Variants in COL4A4 observed in about 807,000 individuals in gnomAD.
COL4A4 encodes collagen alpha-4(IV) chain.
A neutral mutation model predicts 192.9 loss-of-function variants in COL4A4; 105 were observed. The ratio of observed to expected loss-of-function variants is 0.54; its 90% confidence interval spans 0.46 to 0.64. COL4A4 has a LOEUF of 0.64. COL4A4 is among the 30% of genes least tolerant of loss of function. COL4A4 has a pLI of 0.00. For synonymous variants in COL4A4, 762 were observed against 769.9 expected, an observed-to-expected ratio of 0.99 and a Z score of 0.17; for missense variants, 1,967 against 2,169.3, an observed-to-expected ratio of 0.91 and a Z score of 1.85.
rs121912860 is a variant in COL4A4, at chr2:227,055,971, C to T, written c.2690G>A (p.Gly897Glu). Residue 897 changes from glycine (G) to glutamate (E), a missense_variant, in exon 30 of 48, where the codon GGG (glycine) becomes GAG (glutamate). Physicochemically the swap from Gly to Glu is moderately conservative, Grantham distance 98 (BLOSUM62 -2). Coordinates refer to ENST00000396625, the MANE Select transcript of COL4A4 (RefSeq NM_000092.5). The part of the protein sequence containing the change: ...PGIPGPFGDD[G>E]LPGPPGPKGP... ...CTTTGGACCTGGAGGACCAGGTAGCCCATCATCTCCAAAGGGACCTGGGAT... is the reference window on the plus strand; with the variant it reads ...CTTTGGACCTGGAGGACCAGGTAGCTCATCATCTCCAAAGGGACCTGGGAT... The T allele has an allele frequency of 2.5e-6, 4 of 1,613,844 alleles. No homozygotes were observed. Among genetic ancestry groups the T allele is most frequent in the Non-Finnish European group, 3.4e-6 (4 of 1,179,976 alleles).
intron 37 of COL4A4, among the ~76,000 whole-genome samples, chr2:227,034,457 C>T (rs116016505): frequency 0.015 from 2,295 of 152,022 alleles, 63 homozygotes; most frequent in African/African-American, 0.052. Context: ...CTGATGGCTA[C>T]GAGCACTGAA....
At position 227,056,379 on chromosome 2, in the gene COL4A4, A is replaced by T. The variant is rs10206912; in HGVS notation, c.2546-264T>A. The stretch of plus-strand genomic sequence containing the variant: ...AATATTTTTAACAGAAAACAAAAAG[A>T]AAAAACAAACATGTATTTGTATTTC... On this transcript the variant is annotated intron_variant, in intron 29 of 47. Coordinates refer to ENST00000396625, the MANE Select transcript of COL4A4 (RefSeq NM_000092.5). 0.49 allele frequency among the ~76,000 whole-genome samples: 74,435 copies of T among 151,320 alleles called. 18,312 individuals are homozygous for T. The highest frequency in any genetic ancestry group is 0.61 in the South Asian group (2,962 of 4,818).
the COL4A4 span, among the ~76,000 whole-genome samples, chr2:226,974,235 A>G: frequency 2.6e-5 from 4 of 150,990 alleles, no homozygotes; most frequent in Non-Finnish European, 5.9e-5. Flanking sequence ...TTTTTATTTT[A>G]TTTTATTTTA....
At chr2:227,140,561 A>G (rs1273055443) in intron 3 of COL4A4, among the ~76,000 whole-genome samples, 2 of 152,186 alleles carry the variant, frequency 1.3e-5, no homozygotes, top group African/African-American at 4.8e-5. Context: ...CTTAGAGTGT[A>G]AACTATGTGG....
intron 44 of COL4A4, among the ~76,000 whole-genome samples, chr2:227,014,892 C>CTTTTTTTTT (rs1179125792): frequency 1.9e-5 from 2 of 106,586 alleles, no homozygotes; most frequent in African/African-American, 3.8e-5. Context: ...CCATGCCTGG[C>CTTTTTTTTT]TTTTTTTTTT....
chr2:226,980,070 G>A, the COL4A4 span, among the ~76,000 whole-genome samples: 1 of 152,146 alleles, frequency 6.6e-6, no homozygotes, highest in Non-Finnish European at 1.5e-5. Context: ...TTCTGAGAAG[G>A]GCAGCCTGGA....
rs749963035 is a variant in COL4A4, at chr2:227,010,423, TG to T, written c.4411del (p.His1471ThrfsTer81). 6.2e-7 allele frequency: 1 copy of T among 1,613,986 alleles called. No homozygotes were observed. Among genetic ancestry groups the T allele is most frequent in the South Asian group, 1.1e-5 (1 of 91,032 alleles). ...GYLGGFLLVL[H>X]SQTDQEPTCP... ...GGTGGGCTCCTGGTCCGTCTGACTGTGGAGAACCAGGAGGAAGCCACCGAGG... is the reference window on the plus strand; with the variant it reads ...GGTGGGCTCCTGGTCCGTCTGACTGTGAGAACCAGGAGGAAGCCACCGAGG... On this transcript the variant is annotated frameshift_variant, in exon 46 of 48. Coordinates refer to ENST00000396625, the MANE Select transcript of COL4A4 (RefSeq NM_000092.5). LOFTEE classifies it high-confidence loss of function.
intron 28 of COL4A4, among the ~76,000 whole-genome samples, chr2:227,058,110 T>C (rs980034254): frequency 2.6e-5 from 4 of 152,248 alleles, no homozygotes; most frequent in African/African-American, 9.6e-5. Flanking sequence ...TTGGTTCATA[T>C]GTTTACATTT....
chr2:226,978,105 A>AACAGGTC, the COL4A4 span, among the ~76,000 whole-genome samples: 1 of 152,208 alleles, frequency 6.6e-6, no homozygotes, highest in Non-Finnish European at 1.5e-5. Flanking sequence ...ATTATCTGAA[A>AACAGGTC]ACAGGTCTAG....
Position 227,089,948 on chromosome 2 carries a change from C to G in COL4A4, c.1379G>C (p.Cys460Ser). Residue 460 changes from cysteine (C) to serine (S), a missense_variant, in exon 21 of 48, where the codon TGT becomes TCT. Transcript: ENST00000396625. ...QGLPGSSVIYCSVGNPGPQGI... is the reference protein window; with the variant it reads ...QGLPGSSVIYSSVGNPGPQGI... ...TTGTGGTCCGGGGTTCCCAACACTA[C>G]AGTATATCACTGTCAAGGAGGTAAG... 6.2e-7 allele frequency: 1 copy of G among 1,613,218 alleles called. No homozygotes were observed. Among genetic ancestry groups the G allele is most frequent in the South Asian group, 1.1e-5 (1 of 91,056 alleles).
At chr2:227,114,191 T>C (rs190088563) in intron 8 of COL4A4, among the ~76,000 whole-genome samples, 74 of 152,346 alleles carry the variant, frequency 4.9e-4, no homozygotes, top group Admixed American at 1.5e-3. Flanking sequence ...ACTGGGGTGA[T>C]TTCCCCCCAG....
chr2:227,132,660 C>T (rs1423585189), intron 4 of COL4A4, among the ~76,000 whole-genome samples: 12 of 152,088 alleles, frequency 7.9e-5, no homozygotes, highest in Admixed American at 7.9e-4. Flanking sequence ...CCTGTAATCC[C>T]AGCTACTTGG....
In COL4A4 at chr2:227,031,993, G is replaced by A. The variant is rs374113580; in HGVS notation, c.3769C>T (p.Pro1257Ser). ...TGRAPKDIPD[P>S]GPPGDQGPPG... ...GGTCCCTGATCTCCAGGTGGACCCG[G>A]GTCAGGAATGTCCTTAGGAGCTCTT... is the stretch of plus-strand genomic sequence containing the variant. The change falls in exon 40 of 48, where the codon CCG becomes TCG. Residue 1257 changes from proline to serine, a missense_variant. Transcript: ENST00000396625. The A allele has an allele frequency of 2.9e-5, 46 of 1,613,804 alleles. No homozygotes were observed. The highest frequency in any genetic ancestry group is 3.7e-5 in the Non-Finnish European group (44 of 1,179,886).
chr2:227,138,020 A>G (rs1002181654), intron 4 of COL4A4, among the ~76,000 whole-genome samples: 4 of 152,100 alleles, frequency 2.6e-5, no homozygotes, highest in African/African-American at 9.7e-5. Flanking sequence ...GACCGGCTTC[A>G]CACAGTGGCT....
At position 227,109,279 on chromosome 2, in the gene COL4A4, C is replaced by A; in HGVS notation, c.602G>T (p.Trp201Leu). Residue 201 changes from tryptophan to leucine, a missense_variant, in exon 10 of 48, where the codon TGG becomes TTG. By Grantham distance (61) the Trp-to-Leu change is moderately conservative. Transcript: ENST00000396625. Reference sequence around the variant, plus strand: ...GGGACCTGCCGGTCCTCCTGCACCCCAAGATCCCTAAACATGAGAAAAATC... The same window carrying A: ...GGGACCTGCCGGTCCTCCTGCACCCAAAGATCCCTAAACATGAGAAAAATC... ...DPGLPGLPGS[W>L]GAGGPAGPTG... 1 of 1,613,986 alleles carries A rather than the reference C, an allele frequency of 6.2e-7. No homozygotes were observed. Among genetic ancestry groups the A allele is most frequent in the Non-Finnish European group, 8.5e-7 (1 of 1,179,830 alleles).
intron 34 of COL4A4, among the ~76,000 whole-genome samples, chr2:227,049,229 G>T (rs1372079974): frequency 1.3e-5 from 2 of 152,148 alleles, no homozygotes; most frequent in Non-Finnish European, 2.9e-5. Flanking sequence ...CCTGCTCTTT[G>T]TTTGTTTACT....
In COL4A4 at chr2:227,102,958, T is replaced by A. The variant is rs892837646; in HGVS notation, c.871-110A>T. Reference sequence around the variant, plus strand: ...AAACAAAATGAGAAACAAAAATTATTGTCAGCAGCTTAAAGAAAACAACTA... The same window carrying A: ...AAACAAAATGAGAAACAAAAATTATAGTCAGCAGCTTAAAGAAAACAACTA... On this transcript the variant is annotated intron_variant, in intron 14 of 47. Transcript: ENST00000396625. 1.3e-5 allele frequency: 16 copies of A among 1,214,698 alleles called. No individual in the cohort carries two copies. In the East Asian group the frequency reaches 3.5e-4, roughly 27 times the overall value. 75.2% of individuals were successfully genotyped at this position (1,214,698 alleles called of 1,614,324 possible). A position where few individuals can be genotyped will look rare whatever the true frequency, so the allele number is the denominator to read the frequency against.
chr2:227,055,805 G>T, intron 30 of COL4A4, 140 bp downstream of exon 30: 1 of 747,630 alleles, frequency 1.3e-6, no homozygotes. Context: ...GAGGACAAGA[G>T]CAAGGGAGGC....
chr2:226,978,609 T>A, the COL4A4 span, among the ~76,000 whole-genome samples: 1 of 152,232 alleles, frequency 6.6e-6, no homozygotes, highest in Non-Finnish European at 1.5e-5. Context: ...TCCCCAGGCA[T>A]AGAATGTGGA....
Sources: gnomAD v4.1 joint callset for allele counts (sites outside exome capture counted in the v4.1 genomes callset) on GRCh38, gnomAD v4.1.1 for gene constraint, MANE v1.5 for transcripts, NCBI Gene and HGNC (gene_info 2026-07-23, HGNC 2026-07-21) for gene names.